The following FBN1 variants were observed in gnomAD, a reference collection of about 807,000 sequenced individuals.
The protein encoded by FBN1 is fibrillin 1, also known as fibrillin-1.
In FBN1, 29 loss-of-function variants were observed where a neutral mutation model predicts 365.1. That is an observed-to-expected ratio of 0.08 (90% CI 0.06 to 0.11). The LOEUF (loss-of-function observed/expected upper bound fraction) is 0.11. FBN1 is among the 10% of genes least tolerant of loss of function. The pLI is 1.00. For missense variants in FBN1, 2,476 were observed against 3,703.2 expected (o/e 0.67, Z 8.60); for synonymous variants, 1,210 against 1,270.5 (o/e 0.95, Z 1.01).
At chr15:48,578,803 C>G (rs1162940359) in intron 6 of FBN1, among the ~76,000 whole-genome samples, 1 of 127,544 alleles carries the variant, frequency 7.8e-6, no homozygotes, top group Non-Finnish European at 1.6e-5. Context: ...GGGAATTGAA[C>G]AATGAGATCA....
chr15:48,448,325 C>A (rs2043174592), intron 46 of FBN1, among the ~76,000 whole-genome samples: 1 of 152,080 alleles, frequency 6.6e-6, no homozygotes. Context: ...AAATCCTGAG[C>A]TCTTTTTCCT....
rs112989722 is a variant in FBN1, at chr15:48,437,347, G to A, written c.6354C>T (p.Ile2118=). 3 of 1,613,486 alleles carry A rather than the reference G, an allele frequency of 1.9e-6. No homozygotes were observed. Among genetic ancestry groups the A allele is most frequent in the East Asian group, 2.2e-5 (1 of 44,882 alleles). Reference sequence around the variant, plus strand: ...CAACTGCTGAATCATCAGGTCCCACGATGATCCCACTTCCATAAGGACATA... The same window carrying A: ...CAACTGCTGAATCATCAGGTCCCACAATGATCCCACTTCCATAAGGACATA... ...RQICPYGSGI[I]VGPDDSAVDM... is the part of the protein sequence containing the mutation. The change falls in exon 52 of 66, where the codon ATC becomes ATT. Residue 2118 remains isoleucine (I), a synonymous_variant. Transcript: ENST00000316623.
intron 8 of FBN1, among the ~76,000 whole-genome samples, chr15:48,531,122 A>C (rs1211709270): frequency 6.6e-6 from 1 of 152,194 alleles, no homozygotes; most frequent in Non-Finnish European, 1.5e-5. Flanking sequence ...TTTTTCTCAA[A>C]TCACAGCTAT....
intron 64 of FBN1, among the ~76,000 whole-genome samples, chr15:48,413,479 T>G (rs2042879939): frequency 6.6e-6 from 1 of 152,226 alleles, no homozygotes; most frequent in African/African-American, 2.4e-5. Context: ...CAGCTGTTTT[T>G]CTTTGCCTTT....
chr15:48,624,547 C>A (rs1889837148), intron 2 of FBN1, among the ~76,000 whole-genome samples: 2 of 152,214 alleles, frequency 1.3e-5, no homozygotes, highest in South Asian at 4.1e-4. Flanking sequence ...AGCATTGCTT[C>A]CAAACAGAAA....
intron 6 of FBN1, among the ~76,000 whole-genome samples, chr15:48,581,906 C>G (rs958034131): frequency 6.6e-6 from 1 of 152,078 alleles, no homozygotes; most frequent in Non-Finnish European, 1.5e-5. Flanking sequence ...CTTAGAATTC[C>G]GAGTCACAGA....
chr15:48,560,473 T>C (rs2044215031), intron 6 of FBN1, among the ~76,000 whole-genome samples: 1 of 152,174 alleles, frequency 6.6e-6, no homozygotes, highest in Non-Finnish European at 1.5e-5. Context: ...TAGTATCATT[T>C]AGGAGAGGAT....
rs1164486664 is a variant in FBN1, at chr15:48,644,737, C to G, written c.33G>C (p.Leu11=). ...AGGACGCTAAAAGCACGGTAAATCC[C>G]AGGGCGATCTCCAGCAGACGCCCTC... MRRGRLLEIA[L]GFTVLLASYT... The change falls in exon 2 of 66, where the codon CTG becomes CTC. Residue 11 remains leucine (L), a synonymous_variant. Coordinates refer to ENST00000316623, the MANE Select transcript of FBN1 (RefSeq NM_000138.5). The G allele has an allele frequency of 3.7e-6, 6 of 1,613,590 alleles. No homozygotes were observed. The highest frequency in any genetic ancestry group is 1.3e-5 in the African/African-American group (1 of 74,936).
chr15:48,495,650 C>T, intron 20 of FBN1, 62 bp from the exon 21 acceptor site: 1 of 1,605,082 alleles, frequency 6.2e-7, no homozygotes, highest in Non-Finnish European at 8.5e-7. Flanking sequence ...AAGAGTACTT[C>T]AACTTTGACC....
At chr15:48,609,517 T>C (rs1346120512) in intron 4 of FBN1, among the ~76,000 whole-genome samples, 1 of 152,230 alleles carries the variant, frequency 6.6e-6, no homozygotes, top group Non-Finnish European at 1.5e-5. Flanking sequence ...CTATTATCAC[T>C]GTGAACAGCG....
chr15:48,453,971 G>A (rs998463171), intron 44 of FBN1, among the ~76,000 whole-genome samples: 13 of 152,306 alleles, frequency 8.5e-5, no homozygotes, highest in African/African-American at 3.1e-4. Context: ...AAAAAGTCAT[G>A]AAACTTGGCT....
intron 6 of FBN1, among the ~76,000 whole-genome samples, chr15:48,580,526 G>A (rs899996798): frequency 3.9e-5 from 6 of 152,106 alleles, no homozygotes; most frequent in Admixed American, 1.3e-4. Context: ...CTCAGTCTAC[G>A]AATGGCAGAT....
At chr15:48,512,671 C>G (rs1355979423) in intron 13 of FBN1, among the ~76,000 whole-genome samples, 2 of 152,140 alleles carry the variant, frequency 1.3e-5, no homozygotes, top group African/African-American at 4.8e-5. Context: ...TTTTTTATGG[C>G]TGCATAATAT....
intron 34 of FBN1, 140 bp downstream of exon 34, chr15:48,474,115 C>A (rs1254156626): frequency 4.7e-6 from 6 of 1,278,194 alleles, no homozygotes; most frequent in Non-Finnish European, 5.5e-6. Flanking sequence ...TTTTTTTTTT[C>A]CCACAGAGCT....
chr15:48,630,731 C>CAAAAAAAAAA (rs11393587), intron 2 of FBN1, among the ~76,000 whole-genome samples: 14 of 110,958 alleles, frequency 1.3e-4, no homozygotes, highest in Non-Finnish European at 1.3e-4. Context: ...GACTCCATCT[C>CAAAAAAAAAA]AAAAAAAAAA....
At chr15:48,577,289 A>C (rs926314111) in intron 6 of FBN1, among the ~76,000 whole-genome samples, 2 of 152,166 alleles carry the variant, frequency 1.3e-5, no homozygotes, top group Non-Finnish European at 2.9e-5. Flanking sequence ...CTAGGTCACA[A>C]TAGTGTTCTC....
At chr15:48,427,447 G>T in intron 58 of FBN1, 120 bp downstream of exon 58, 1 of 1,050,628 alleles carries the variant, frequency 9.5e-7, no homozygotes, top group Non-Finnish European at 1.4e-6. Flanking sequence ...ATTTTTGTTG[G>T]CCTCAGCTGT....
intron 6 of FBN1, among the ~76,000 whole-genome samples, chr15:48,564,569 A>G (rs2044246449): frequency 6.6e-6 from 1 of 152,034 alleles, no homozygotes; most frequent in Admixed American, 6.6e-5. Flanking sequence ...TTAATATAAA[A>G]TTAATTTAAT....
At chr15:48,508,420 T>C (rs943510620) in intron 15 of FBN1, among the ~76,000 whole-genome samples, 162 bp downstream of exon 15, 70 of 152,216 alleles carry the variant, frequency 4.6e-4, no homozygotes, top group African/African-American at 1.6e-3. Context: ...CTGTAGCTCT[T>C]TGGATGGCTG....
Sources: gnomAD v4.1 joint callset for allele counts (sites outside exome capture counted in the v4.1 genomes callset) on GRCh38, gnomAD v4.1.1 for gene constraint, MANE v1.5 for transcripts, NCBI Gene and HGNC (gene_info 2026-07-23, HGNC 2026-07-21) for gene names.